Variants in TTLL11 observed in about 807,000 individuals in gnomAD.
The protein encoded by TTLL11 is tubulin tyrosine ligase like 11.
Under a neutral mutation model 51.7 loss-of-function variants are expected in TTLL11, and 42 were observed. The observed-to-expected ratio is 0.81, with a 90% CI of 0.64 to 1.05. The LOEUF (loss-of-function observed/expected upper bound fraction) is 1.05, where lower values mean the gene tolerates loss of function less well. TTLL11 is among the 50% of genes least tolerant of loss of function. TTLL11 has a pLI of 0.00. For missense variants in TTLL11, 799 were observed against 940.4 expected (o/e 0.85, Z 1.97); for synonymous variants, 381 against 383.5 (o/e 0.99, Z 0.08).
At chr9:121,961,826 C>T (rs982807759) in intron 6 of TTLL11, among the ~76,000 whole-genome samples, 1 of 152,122 alleles carries the variant, frequency 6.6e-6, no homozygotes, top group Non-Finnish European at 1.5e-5. Context: ...GAGGCTGAGG[C>T]GGGTGAATTG....
intron 8 of TTLL11, among the ~76,000 whole-genome samples, chr9:121,851,457 T>C (rs373100499): frequency 2.1e-3 from 314 of 152,356 alleles, no homozygotes; most frequent in African/African-American, 7.3e-3. Flanking sequence ...TGCTCAATTT[T>C]TTCTGTAACT....
At chr9:121,984,673 G>C (rs1449760421) in intron 4 of TTLL11, among the ~76,000 whole-genome samples, 2 of 152,156 alleles carry the variant, frequency 1.3e-5, no homozygotes, top group African/African-American at 4.8e-5. Flanking sequence ...ATAAAGAGGA[G>C]AAACATCTTA....
chr9:121,928,214 T>A (rs1480034286), intron 6 of TTLL11, among the ~76,000 whole-genome samples: 4 of 152,182 alleles, frequency 2.6e-5, no homozygotes, highest in African/African-American at 4.8e-5. Flanking sequence ...TGGTAAGAGG[T>A]ACTACTTCTA....
chr9:121,828,887 C>T (rs377169290), intron 8 of TTLL11, among the ~76,000 whole-genome samples: 21 of 152,152 alleles, frequency 1.4e-4, no homozygotes, highest in African/African-American at 4.8e-4. Flanking sequence ...ATCGCTTGAG[C>T]CCAGGAATTT....
At position 121,838,651 on chromosome 9, in the gene TTLL11, G is replaced by A. The variant is rs1463178893; in HGVS notation, c.1841-15772C>T. ...CAAGAATCGCTTGAACCCAGGAGGC[G>A]GAGGTTGCAGTGAGCTGAGATTGTG... On this transcript the variant is annotated intron_variant, in intron 8 of 8. Coordinates refer to ENST00000321582, the MANE Select transcript of TTLL11 (RefSeq NM_001139442.2). Among the ~76,000 whole-genome samples the A allele has an allele frequency of 2.6e-5, 4 of 152,214 alleles. No homozygotes were observed. The South Asian group carries it at 6.2e-4, about 24-fold the overall frequency.
In TTLL11 at chr9:122,043,100, C is replaced by G. The variant is rs534404712; in HGVS notation, c.463-3732G>C. Among the ~76,000 whole-genome samples the G allele has an allele frequency of 3.3e-5, 5 of 152,208 alleles. No individual in the cohort carries two copies. In the East Asian group the frequency reaches 9.7e-4, roughly 29 times the overall value. ...AACTATGGACTTTGGGTGATGATGA[C>G]ATGTCAGTGTAGTTTCATCAGTTGT... On this transcript the variant is annotated intron_variant, in intron 1 of 8. Coordinates refer to ENST00000321582, the MANE Select transcript of TTLL11 (RefSeq NM_001139442.2).
intron 1 of TTLL11, among the ~76,000 whole-genome samples, chr9:122,070,193 C>T (rs1442080455): frequency 1.3e-5 from 2 of 152,122 alleles, no homozygotes; most frequent in African/African-American, 4.8e-5. Flanking sequence ...GCAGGTGAGG[C>T]TTCAAGATGG....
intron 3 of TTLL11, among the ~76,000 whole-genome samples, chr9:122,023,584 A>G (rs920853315): frequency 2.6e-5 from 4 of 152,010 alleles, no homozygotes; most frequent in African/African-American, 4.8e-5. Flanking sequence ...TATAAAAAGG[A>G]TAATATGTTA....
chr9:122,040,444 A>C, intron 1 of TTLL11: 1 of 983,378 alleles, frequency 1.0e-6, no homozygotes, highest in Non-Finnish European at 1.2e-6. Flanking sequence ...CTCTGCATTT[A>C]ATGAACATAT....
chr9:121,874,754 T>A (rs1838501181), intron 6 of TTLL11, among the ~76,000 whole-genome samples: 1 of 144,716 alleles, frequency 6.9e-6, no homozygotes, highest in South Asian at 2.2e-4. Flanking sequence ...CTCAGAGGCA[T>A]AATTTTTTTT....
At chr9:121,948,251 G>A (rs1010031260) in intron 6 of TTLL11, among the ~76,000 whole-genome samples, 12 of 152,288 alleles carry the variant, frequency 7.9e-5, no homozygotes, top group African/African-American at 2.6e-4. Flanking sequence ...CAGAACCAAA[G>A]CAATGATCCT....
intron 1 of TTLL11, among the ~76,000 whole-genome samples, chr9:122,055,651 G>T (rs1008189655): frequency 2.0e-5 from 3 of 152,202 alleles, no homozygotes; most frequent in African/African-American, 7.2e-5. Context: ...ATAGGAGGAT[G>T]AATGAACCAG....
Position 121,987,991 on chromosome 9 carries a change from C to T in TTLL11, c.1269+1204G>A, listed in dbSNP as rs144689295. ...ACTTTAAGTCCAACTCCCAACCTTC[C>T]CCCAACAGCCTGGTCCTCTTCCGGG... On this transcript the variant is annotated intron_variant, in intron 4 of 8. Coordinates refer to ENST00000321582, the MANE Select transcript of TTLL11 (RefSeq NM_001139442.2). Among the ~76,000 whole-genome samples, 211 of 152,180 alleles carry T rather than the reference C, an allele frequency of 1.4e-3. 1 individual carries two copies. Among genetic ancestry groups the T allele is most frequent in the African/African-American group, 4.9e-3 (205 of 41,532 alleles).
chr9:121,901,544 C>G (rs548771661), intron 6 of TTLL11, among the ~76,000 whole-genome samples: 1 of 152,154 alleles, frequency 6.6e-6, no homozygotes, highest in African/African-American at 2.4e-5. Context: ...AATTCCAACT[C>G]CAAACTCTTG....
intron 3 of TTLL11, among the ~76,000 whole-genome samples, chr9:122,012,948 A>G (rs1843856971): frequency 6.6e-6 from 1 of 152,188 alleles, no homozygotes; most frequent in South Asian, 2.1e-4. Context: ...ATATTCATTC[A>G]TTTCACACAT....
intron 6 of TTLL11, among the ~76,000 whole-genome samples, chr9:121,905,804 A>G (rs1839924765): frequency 6.6e-6 from 1 of 152,202 alleles, no homozygotes; most frequent in South Asian, 2.1e-4. Context: ...GTGCAAAAAA[A>G]TCTTTCTCAT....
intron 8 of TTLL11, among the ~76,000 whole-genome samples, chr9:121,842,124 AGCAGGC>A (rs1239651426): frequency 1.3e-5 from 2 of 152,202 alleles, no homozygotes; most frequent in Non-Finnish European, 2.9e-5. Flanking sequence ...CTGGAAAAAG[AGCAGGC>A]TGGGGATGTA....
chr9:122,026,811 T>C (rs941677625), intron 3 of TTLL11, among the ~76,000 whole-genome samples: 6 of 151,828 alleles, frequency 4.0e-5, no homozygotes, highest in Non-Finnish European at 7.4e-5. Flanking sequence ...CTTGACATCA[T>C]GTACTTAGCA....
intron 6 of TTLL11, among the ~76,000 whole-genome samples, chr9:121,904,015 G>A (rs1341602650): frequency 2.6e-5 from 4 of 152,124 alleles, no homozygotes; most frequent in Non-Finnish European, 2.9e-5. Flanking sequence ...CTTCATGCCC[G>A]GGCTAAGCCT....
Sources: allele counts gnomAD v4.1 joint callset (sites outside exome capture counted in the v4.1 genomes callset), GRCh38; gene constraint gnomAD v4.1.1; transcripts MANE v1.5; gene names NCBI Gene and HGNC (gene_info 2026-07-23, HGNC 2026-07-21).